The following THRB variants were observed in gnomAD, a reference collection of about 807,000 sequenced individuals.
The protein encoded by THRB is thyroid hormone receptor beta.
In THRB, 12 loss-of-function variants were observed where a neutral mutation model predicts 47.8. The ratio of observed to expected loss-of-function variants is 0.25; its 90% CI spans 0.16 to 0.41. The LOEUF (loss-of-function observed/expected upper bound fraction) is 0.41. Among genes scored for constraint, THRB ranks in the 10% least tolerant of loss-of-function variants. The pLI is 1.00. For synonymous variants in THRB, 218 were observed against 212.2 expected, an observed-to-expected ratio of 1.03 and a Z score of -0.24; for missense variants, 348 against 589.2, an observed-to-expected ratio of 0.59 and a Z score of 4.24.
chr3:24,205,199 TG>T (rs2045166734), intron 4 of THRB, among the ~76,000 whole-genome samples: 1 of 152,080 alleles, frequency 6.6e-6, no homozygotes, highest in Admixed American at 6.6e-5. Context: ...GACACATAAT[TG>T]TCAGATTCAC....
chr3:24,491,520 G>A (rs1478371957), intron 1 of THRB, among the ~76,000 whole-genome samples: 1 of 152,156 alleles, frequency 6.6e-6, no homozygotes, highest in Non-Finnish European at 1.5e-5. Flanking sequence ...AAAGAGGCTG[G>A]CTGACTTAAC....
chr3:24,454,972 T>C (rs957167221), intron 1 of THRB, among the ~76,000 whole-genome samples: 2 of 152,162 alleles, frequency 1.3e-5, no homozygotes, highest in Non-Finnish European at 2.9e-5. Flanking sequence ...TTCCAAAATA[T>C]CTTCTTGACC....
At chr3:24,462,223 T>C (rs927238931) in intron 1 of THRB, among the ~76,000 whole-genome samples, 1 of 152,216 alleles carries the variant, frequency 6.6e-6, no homozygotes, top group Non-Finnish European at 1.5e-5. Context: ...TGGCAAGGAC[T>C]TGGGCTTGAG....
At chr3:24,319,782 T>G (rs1167362553) in intron 2 of THRB, among the ~76,000 whole-genome samples, 1 of 152,166 alleles carries the variant, frequency 6.6e-6, no homozygotes, top group Non-Finnish European at 1.5e-5. Context: ...AAACACCCCA[T>G]CACTCATATA....
At chr3:24,412,355 C>A (rs2068372725) in intron 1 of THRB, among the ~76,000 whole-genome samples, 1 of 151,588 alleles carries the variant, frequency 6.6e-6, no homozygotes, top group African/African-American at 2.4e-5. Context: ...CAAATAAACC[C>A]CAGTTTATAT....
At chr3:24,473,310 A>G (rs1240502330) in intron 1 of THRB, among the ~76,000 whole-genome samples, 3 of 152,240 alleles carry the variant, frequency 2.0e-5, no homozygotes, top group Admixed American at 6.5e-5. Context: ...AAAAGAGACA[A>G]TTAAAAAGTT....
At chr3:24,391,615 A>G (rs1299344091) in intron 1 of THRB, among the ~76,000 whole-genome samples, 4 of 152,190 alleles carry the variant, frequency 2.6e-5, no homozygotes, top group Admixed American at 6.6e-5. Flanking sequence ...GAATATACGT[A>G]TAAACAGGGC....
chr3:24,179,634 G>A (rs1430966294), intron 5 of THRB, among the ~76,000 whole-genome samples: 1 of 152,172 alleles, frequency 6.6e-6, no homozygotes, highest in Non-Finnish European at 1.5e-5. Flanking sequence ...TGAAGACTTA[G>A]TGGTCCTTTG....
chr3:24,294,261 G>T (rs530550773), intron 3 of THRB, among the ~76,000 whole-genome samples: 7 of 152,310 alleles, frequency 4.6e-5, no homozygotes, highest in African/African-American at 9.6e-5. Context: ...CAACCCCCAG[G>T]ACATCCTGGA....
At chr3:24,259,856 ATGTG>A (rs984267074) in intron 3 of THRB, among the ~76,000 whole-genome samples, 1 of 151,770 alleles carries the variant, frequency 6.6e-6, no homozygotes, top group Non-Finnish European at 1.5e-5. Flanking sequence ...GATTAATTAA[ATGTG>A]TGTGTGTGTA....
chr3:24,453,274 G>A (rs888127275), intron 1 of THRB, among the ~76,000 whole-genome samples: 6 of 152,140 alleles, frequency 3.9e-5, no homozygotes, highest in African/African-American at 1.2e-4. Context: ...TAACTCATTC[G>A]ATTTTCATAA....
At chr3:24,249,813 C>T (rs1185381210) in intron 3 of THRB, among the ~76,000 whole-genome samples, 2 of 152,196 alleles carry the variant, frequency 1.3e-5, no homozygotes, top group African/African-American at 4.8e-5. Flanking sequence ...TGGTCTGCAA[C>T]ACCTATTTCA....
At chr3:24,200,289 G>A (rs546683205) in intron 4 of THRB, among the ~76,000 whole-genome samples, 17 of 152,148 alleles carry the variant, frequency 1.1e-4, no homozygotes, top group South Asian at 6.2e-4. Flanking sequence ...TATGAGACTC[G>A]CCCCATTTTA....
intron 1 of THRB, among the ~76,000 whole-genome samples, chr3:24,385,186 G>GC (rs2066000344): frequency 6.6e-6 from 1 of 151,970 alleles, no homozygotes; most frequent in Admixed American, 6.6e-5. Flanking sequence ...TAAAGATGGG[G>GC]CCCCATTAAT....
chr3:24,247,702 A>G (rs1189508962), intron 3 of THRB, among the ~76,000 whole-genome samples: 1 of 152,150 alleles, frequency 6.6e-6, no homozygotes, highest in African/African-American at 2.4e-5. Context: ...ATGTCTAAAG[A>G]TAAATACTGG....
intron 1 of THRB, among the ~76,000 whole-genome samples, chr3:24,456,780 T>C (rs1054552068): frequency 2.0e-5 from 3 of 152,034 alleles, no homozygotes; most frequent in Non-Finnish European, 2.9e-5. Flanking sequence ...TGTCTTATTA[T>C]ATAAGATAAA....
At chr3:24,409,531 C>G (rs901003217) in intron 1 of THRB, among the ~76,000 whole-genome samples, 3 of 151,722 alleles carry the variant, frequency 2.0e-5, no homozygotes, top group Admixed American at 6.6e-5. Flanking sequence ...CTAACTTCTA[C>G]CCCTCAGTTT....
At position 24,389,423 on chromosome 3, in the gene THRB, T is replaced by A. The variant is rs75714974; in HGVS notation, c.-260-52052A>T. ...AATTATAAACTATTGTTAGACAGAATAATATGTGACTGCTGACATTTCACC... is the reference window on the plus strand; with the variant it reads ...AATTATAAACTATTGTTAGACAGAAAAATATGTGACTGCTGACATTTCACC... On this transcript the variant is annotated intron_variant, in intron 1 of 10. Transcript: ENST00000646209. 5.3e-3 allele frequency among the ~76,000 whole-genome samples: 806 copies of A among 152,262 alleles called. 5 individuals are homozygous for A. The highest frequency in any genetic ancestry group is 0.018 in the African/African-American group (761 of 41,566).
At chr3:24,416,299 A>C (rs1413896586) in intron 1 of THRB, among the ~76,000 whole-genome samples, 1 of 151,808 alleles carries the variant, frequency 6.6e-6, no homozygotes, top group South Asian at 2.1e-4. Flanking sequence ...GGCACACAGA[A>C]TAGAATACAG....
Sources: allele counts gnomAD v4.1 joint callset (sites outside exome capture counted in the v4.1 genomes callset), GRCh38; gene constraint gnomAD v4.1.1; transcripts MANE v1.5; gene names NCBI Gene and HGNC (gene_info 2026-07-23, HGNC 2026-07-21).